The following BRD10 variants were observed in gnomAD, a reference collection of about 807,000 sequenced individuals.
BRD10 encodes the protein bromodomain containing 10.
the BRD10 span, among the ~76,000 whole-genome samples, chr9:5,891,630 A>C: frequency 1.4e-4 from 22 of 152,276 alleles, 1 homozygote; most frequent in South Asian, 4.3e-3. Context: ...AGCTTCCATT[A>C]TTGGTTTTTA....
At chr9:6,007,980 C>T in the BRD10 span, 2 of 1,288,034 alleles carry the variant, frequency 1.6e-6, no homozygotes, top group Non-Finnish European at 2.0e-6. Flanking sequence ...GGCGGGGTTA[C>T]ATGGCGCGCG....
chr9:5,991,479 C>A, the BRD10 span, among the ~76,000 whole-genome samples: 1 of 152,068 alleles, frequency 6.6e-6, no homozygotes, highest in Non-Finnish European at 1.5e-5. Flanking sequence ...TCCCAACACA[C>A]TGGGAGGCCA....
At chr9:5,955,365 A>G in the BRD10 span, among the ~76,000 whole-genome samples, 3 of 152,192 alleles carry the variant, frequency 2.0e-5, no homozygotes, top group Non-Finnish European at 4.4e-5. Flanking sequence ...TTGCAGACTA[A>G]AATCCACTTA....
chr9:5,971,421 T>A, the BRD10 span, among the ~76,000 whole-genome samples: 6 of 152,190 alleles, frequency 3.9e-5, no homozygotes, highest in African/African-American at 1.4e-4. Flanking sequence ...TGTATATAAA[T>A]GTTCTTAGCA....
chr9:5,997,615 A>T, the BRD10 span, among the ~76,000 whole-genome samples: 2 of 152,216 alleles, frequency 1.3e-5, no homozygotes, highest in South Asian at 4.1e-4. Context: ...AAATACACCA[A>T]TAATATATCA....
chr9:5,995,143 C>A, the BRD10 span, among the ~76,000 whole-genome samples: 2 of 152,176 alleles, frequency 1.3e-5, no homozygotes, highest in East Asian at 3.9e-4. Context: ...TCAGTTGATC[C>A]ACCCGCCTTG....
At chr9:5,908,726 G>C in the BRD10 span, 15 of 1,603,240 alleles carry the variant, frequency 9.4e-6, no homozygotes, top group African/African-American at 5.4e-5. Context: ...CGAGACACCT[G>C]AGACATGCTG....
chr9:5,972,868 T>C, the BRD10 span, among the ~76,000 whole-genome samples: 1 of 152,124 alleles, frequency 6.6e-6, no homozygotes. Context: ...CAATGGAGTA[T>C]CTTTAATATA....
At chr9:5,916,237 A>C in the BRD10 span, among the ~76,000 whole-genome samples, 2 of 152,206 alleles carry the variant, frequency 1.3e-5, no homozygotes, top group Non-Finnish European at 2.9e-5. Flanking sequence ...ACTTTGGCTA[A>C]CTAAAATCCC....
chr9:5,973,667 T>G, the BRD10 span, among the ~76,000 whole-genome samples: 1 of 152,066 alleles, frequency 6.6e-6, no homozygotes, highest in Non-Finnish European at 1.5e-5. Flanking sequence ...GGTGGGAGGA[T>G]AGCTTAAGCC....
At chr9:5,909,785 G>C in the BRD10 span, 3 of 152,200 alleles carry the variant, frequency 2.0e-5, no homozygotes, top group African/African-American at 4.8e-5. Flanking sequence ...CCTCTCACAA[G>C]AATGTGCAGA....
the BRD10 span, among the ~76,000 whole-genome samples, chr9:5,911,016 C>T: frequency 1.3e-5 from 2 of 152,146 alleles, no homozygotes; most frequent in African/African-American, 4.8e-5. Context: ...TTGATTGTTT[C>T]CTTTGCTGTG....
chr9:5,989,978 G>A, the BRD10 span, among the ~76,000 whole-genome samples: 1 of 152,176 alleles, frequency 6.6e-6, no homozygotes, highest in Non-Finnish European at 1.5e-5. Context: ...TATGAGTGTA[G>A]GATTCTACCA....
the BRD10 span, among the ~76,000 whole-genome samples, chr9:5,893,296 G>A: frequency 6.6e-6 from 1 of 152,146 alleles, no homozygotes; most frequent in Non-Finnish European, 1.5e-5. Context: ...CGTGCTGGGT[G>A]GCAGGGGCAG....
the BRD10 span, among the ~76,000 whole-genome samples, chr9:5,895,188 C>G: frequency 2.0e-4 from 31 of 152,306 alleles, 1 homozygote; most frequent in Admixed American, 9.1e-4. Flanking sequence ...CACTTAACTT[C>G]AGTCTGTGAG....
the BRD10 span, among the ~76,000 whole-genome samples, chr9:5,883,047 A>G: frequency 6.6e-6 from 1 of 152,196 alleles, no homozygotes; most frequent in South Asian, 2.1e-4. Flanking sequence ...ATTAGGAGAT[A>G]TACCTAATGT....
the BRD10 span, among the ~76,000 whole-genome samples, chr9:6,001,312 C>A: frequency 6.6e-6 from 1 of 151,982 alleles, no homozygotes; most frequent in African/African-American, 2.4e-5. Context: ...AAAATCTTCA[C>A]GTTACTCCCT....
chr9:5,919,510 G>A, the BRD10 span: 1 of 566,860 alleles, frequency 1.8e-6, no homozygotes, highest in Non-Finnish European at 2.9e-6. Flanking sequence ...AGAAAACAAA[G>A]CCTTGTTGCA....
At chr9:6,004,408 A>AAGGATAATGAGGAATATTAT in the BRD10 span, among the ~76,000 whole-genome samples, 1 of 152,184 alleles carries the variant, frequency 6.6e-6, no homozygotes, top group Admixed American at 6.5e-5. Flanking sequence ...CCCTCATTAT[A>AAGGATAATGAGGAATATTAT]CAGATAAGGA....
Sources: allele counts gnomAD v4.1 joint callset (sites outside exome capture counted in the v4.1 genomes callset), GRCh38; gene constraint gnomAD v4.1.1; transcripts MANE v1.5; gene names NCBI Gene and HGNC (gene_info 2026-07-23, HGNC 2026-07-21).